Variants in PORCN observed in about 807,000 individuals in gnomAD.
The protein encoded by PORCN is protein-serine O-palmitoleoyltransferase porcupine.
A neutral mutation model predicts 43.0 loss-of-function variants in PORCN; 1 was observed. The observed-to-expected ratio is 0.02, with a 90% CI of 0.01 to 0.11. The LOEUF (loss-of-function observed/expected upper bound fraction) is 0.11, where lower values mean the gene tolerates loss of function less well. PORCN is among the 10% of genes least tolerant of loss of function. PORCN has a pLI of 1.00. For synonymous variants in PORCN, 148 were observed against 166.4 expected, an observed-to-expected ratio of 0.89 and a Z score of 0.85; for missense variants, 240 against 392.1, an observed-to-expected ratio of 0.61 and a Z score of 3.28.
rs1423971891 is a variant in PORCN at position 48,514,559 on chromosome X, C to T, written c.880C>T (p.Leu294=). Residue 294 remains leucine, a synonymous_variant, in exon 10 of 15, where the codon CTG becomes TTG. Transcript: ENST00000326194. ...GGTGTCCAAGCCACTGAATGTGGAG[C>T]TGCCTCGGTCAATGGTGGAAGTTGT... is the stretch of plus-strand genomic sequence containing the variant. The part of the protein sequence containing the change: ...LTVSKPLNVE[L]PRSMVEVVTS... 7.4e-6 allele frequency: 9 copies of T among 1,211,815 alleles called. No individual in the cohort carries two copies. Among genetic ancestry groups the T allele is most frequent in the Non-Finnish European group, 1.0e-5 (9 of 895,287 alleles).
intron 13 of PORCN, 97 bp from the exon 14 acceptor site, chrX:48,517,086 A>T (rs1556975528): frequency 9.2e-6 from 6 of 649,415 alleles, no homozygotes; most frequent in Non-Finnish European, 9.9e-6. Flanking sequence ...CCTGGAACCC[A>T]CTGTGCCCTG....
intron 7 of PORCN, 102 bp from the exon 8 acceptor site, chrX:48,514,025 C>A (rs879971093): frequency 1.6e-4 from 162 of 986,288 alleles, no homozygotes; most frequent in African/African-American, 1.9e-5. Flanking sequence ...TTTGTGGCTA[C>A]ATTTCATCTG....
intron 14 of PORCN, among the ~76,000 whole-genome samples, chrX:48,520,038 T>C (rs958077891): frequency 1.4e-4 from 16 of 111,989 alleles, no homozygotes; most frequent in African/African-American, 4.9e-4. Flanking sequence ...TTAATGAGGC[T>C]GAGCATCTTT....
At position 48,515,730 on chromosome X, in the gene PORCN, T is replaced by C. The variant is rs782671609; in HGVS notation, c.960T>C (p.Asn320=). 1.4e-4 allele frequency: 168 copies of C among 1,206,533 alleles called. No individual in the cohort carries two copies. Among genetic ancestry groups the C allele is most frequent in the Non-Finnish European group, 1.9e-4 (166 of 893,351 alleles). ...SYWLNNYVFK[N]ALRLGTFSAV... ...CTTCCCCTCCAGATGTTTTCAAGAATGCTCTCCGCCTGGGGACCTTCTCGG... is the reference window on the plus strand; with the variant it reads ...CTTCCCCTCCAGATGTTTTCAAGAACGCTCTCCGCCTGGGGACCTTCTCGG... Residue 320 remains asparagine, a synonymous_variant, in exon 11 of 15, where the codon AAT becomes AAC. Transcript: ENST00000326194.
chrX:48,511,257 G>GTT (rs2061673411), intron 2 of PORCN, 38 bp from the exon 3 acceptor site: 1 of 964,775 alleles, frequency 1.0e-6, no homozygotes, highest in African/African-American at 2.1e-5. Context: ...TCTCTTTCTC[G>GTT]TTCTCTCTCT....
intron 14 of PORCN, among the ~76,000 whole-genome samples, chrX:48,518,816 TTTTC>T (rs1453790329): frequency 9.1e-6 from 1 of 109,383 alleles, no homozygotes; most frequent in Non-Finnish European, 1.9e-5. Flanking sequence ...TGGGATTTGC[TTTTC>T]TTTTTTTTTT....
intron 10 of PORCN, among the ~76,000 whole-genome samples, chrX:48,514,901 G>C (rs2061704802): frequency 8.9e-6 from 1 of 111,981 alleles, no homozygotes. Context: ...GGGAGGGTAG[G>C]GTATTGCAAT....
chrX:48,509,670 C>G, intron 1 of PORCN, 114 bp from the exon 2 acceptor site: 3 of 1,153,369 alleles, frequency 2.6e-6, no homozygotes, highest in Non-Finnish European at 3.5e-6. Flanking sequence ...CCTCCAGTAC[C>G]GTGCCTCTAC....
intron 6 of PORCN, 25 bp downstream of exon 6, chrX:48,512,744 G>A (rs782414165): frequency 8.2e-7 from 1 of 1,212,406 alleles, no homozygotes; most frequent in Admixed American, 2.2e-5. Flanking sequence ...CGAGGCCCCT[G>A]CCCAGCAATG....
At chrX:48,516,197 G>A (rs367714008) in intron 13 of PORCN, 51 bp downstream of exon 13, 1 of 1,106,640 alleles carries the variant, frequency 9.0e-7, no homozygotes, top group Non-Finnish European at 1.2e-6. Context: ...TGTCAAAAAT[G>A]TTCCTTCTAT....
rs1002349147 is a variant in PORCN at position 48,519,880 on chromosome X, C to T, written c.1285-495C>T. Among the ~76,000 whole-genome samples the T allele has an allele frequency of 6.3e-5, 7 of 111,832 alleles. No individual in the cohort carries two copies. In the East Asian group the frequency reaches 1.9e-3, roughly 31 times the overall value. ...GCATGGTGGTGCAGCATCTGTAATC[C>T]CAGCTACTCAGGAGGCTGAGGCAGG... is the stretch of plus-strand genomic sequence containing the variant. On this transcript the variant is annotated intron_variant, in intron 14 of 14. Transcript: ENST00000326194.
At chrX:48,517,140 T>C in intron 13 of PORCN, 43 bp from the exon 14 acceptor site, 2 of 1,025,542 alleles carry the variant, frequency 2.0e-6, no homozygotes, top group Non-Finnish European at 2.7e-6. Context: ...TGGGACACAG[T>C]GAGTAGGTCC....
chrX:48,517,283 C>T lies in PORCN; in HGVS notation c.1274C>T (p.Thr425Ile), dbSNP rs146322406. 8.8e-5 allele frequency: 101 copies of T among 1,152,694 alleles called. No homozygotes were observed. The African/African-American group carries it at 1.7e-3, about 19-fold the overall frequency. 95.0% of individuals were successfully genotyped at this position (1,152,694 alleles called of 1,213,427 possible). The change falls in exon 14 of 15, where the codon ACA becomes ATA. Residue 425 changes from threonine to isoleucine, a missense_variant. Coordinates refer to ENST00000326194, the MANE Select transcript of PORCN (RefSeq NM_203475.3). ...TTTGATGTCGATGTGGATGACACCA[C>T]AGAGGAGCAGGTGAGGTGGGGCCCT... ...SLFDVDVDDT[T>I]EEQGYGMAYT...
intron 7 of PORCN, among the ~76,000 whole-genome samples, chrX:48,513,232 G>C (rs938705475): frequency 2.7e-5 from 3 of 112,752 alleles, no homozygotes; most frequent in Non-Finnish European, 5.6e-5. Context: ...GTGGCTGTCT[G>C]GCTGTGCCAT....
intron 3 of PORCN, 55 bp from the exon 4 acceptor site, chrX:48,511,837 A>G (rs1487127398): frequency 1.1e-4 from 121 of 1,117,413 alleles, no homozygotes; most frequent in Non-Finnish European, 1.5e-4. Context: ...CCTGTCCCCC[A>G]TGGTCTCAGA....
At chrX:48,514,498 G>A (rs1442609711) in intron 9 of PORCN, 27 bp from the exon 10 acceptor site, 1 of 1,194,405 alleles carries the variant, frequency 8.4e-7, no homozygotes, top group Admixed American at 2.2e-5. Flanking sequence ...GATCCCAAAT[G>A]GATTTGCATA....
rs141980803 is a variant in PORCN at position 48,517,266 on chromosome X, C to T, written c.1257C>T (p.Val419=). 19 of 1,164,014 alleles carry T rather than the reference C, an allele frequency of 1.6e-5. No homozygotes were observed. The East Asian group carries it at 2.3e-4, about 14-fold the overall frequency. The change falls in exon 14 of 15, where the codon GTC becomes GTT. Residue 419 remains valine, a synonymous_variant. Coordinates refer to ENST00000326194, the MANE Select transcript of PORCN (RefSeq NM_203475.3). ...HLAYLGSLFD[V]DVDDTTEEQG... ...CCTACCTGGGCTCCCTGTTTGATGT[C>T]GATGTGGATGACACCACAGAGGAGC... is the stretch of plus-strand genomic sequence containing the variant.
intron 2 of PORCN, among the ~76,000 whole-genome samples, chrX:48,510,431 T>C (rs998413345): frequency 8.9e-6 from 1 of 111,993 alleles, no homozygotes; most frequent in Admixed American, 9.5e-5. Context: ...CAGGGCATGA[T>C]GCGATTTCTG....
Position 48,520,751 on chromosome X carries a change from T to G in PORCN, c.*275T>G, listed in dbSNP as rs976749500. The G allele has an allele frequency of 3.1e-5, 12 of 390,451 alleles. No individual in the cohort carries two copies. The highest frequency in any genetic ancestry group is 2.6e-4 in the East Asian group (6 of 22,770). 32.2% of individuals were successfully genotyped at this position (390,451 alleles called of 1,213,427 possible). ...GGGGAGATCCAGGGCCTCCCCGCCTTCCTTCTTCCTTTTTATATACAATTT... is the reference window on the plus strand; with the variant it reads ...GGGGAGATCCAGGGCCTCCCCGCCTGCCTTCTTCCTTTTTATATACAATTT... On this transcript the variant is annotated 3_prime_UTR_variant, in exon 15 of 15. Transcript: ENST00000326194.
Sources: allele counts gnomAD v4.1 joint callset (sites outside exome capture counted in the v4.1 genomes callset), GRCh38; gene constraint gnomAD v4.1.1; transcripts MANE v1.5; gene names NCBI Gene and HGNC (gene_info 2026-07-23, HGNC 2026-07-21).